Variants in RBFOX2 observed in about 807,000 individuals in gnomAD.
RBFOX2 encodes the protein RNA binding protein fox-1 homolog 2.
RBFOX2 carries 10 observed loss-of-function variants against 49.1 expected under a neutral mutation model. That is an observed-to-expected ratio of 0.20 (90% CI 0.13 to 0.35). The LOEUF (loss-of-function observed/expected upper bound fraction) is 0.35, where lower values mean the gene tolerates loss of function less well. Ranked by LOEUF, RBFOX2 falls within the 10% of genes least tolerant of loss-of-function variation. The pLI is 1.00. For missense variants in RBFOX2, 323 were observed against 486.9 expected, an observed-to-expected ratio of 0.66 and a Z score of 3.17; for synonymous variants, 183 against 187.4, an observed-to-expected ratio of 0.98 and a Z score of 0.19.
intron 1 of RBFOX2, among the ~76,000 whole-genome samples, chr22:35,882,509 T>C (rs1270761304): frequency 2.0e-5 from 3 of 152,100 alleles, no homozygotes; most frequent in African/African-American, 7.2e-5. Context: ...CAAAGTGAGG[T>C]CAAGAGTATT....
chr22:35,830,235 CTA>C (rs1366682804), intron 1 of RBFOX2, among the ~76,000 whole-genome samples: 1 of 152,150 alleles, frequency 6.6e-6, no homozygotes, highest in Non-Finnish European at 1.5e-5. Flanking sequence ...CTGAAAGAAA[CTA>C]TAGTCTGATG....
At chr22:35,860,506 G>A (rs2042983883) in intron 1 of RBFOX2, among the ~76,000 whole-genome samples, 1 of 152,228 alleles carries the variant, frequency 6.6e-6, no homozygotes, top group African/African-American at 2.4e-5. Flanking sequence ...TTGTGGGAAA[G>A]TTTGTTACAC....
chr22:35,775,208 T>A (rs1462384590), intron 4 of RBFOX2, among the ~76,000 whole-genome samples: 3 of 152,136 alleles, frequency 2.0e-5, no homozygotes, highest in Non-Finnish European at 4.4e-5. Flanking sequence ...CCAAAATAAA[T>A]CTCTATTAGG....
intron 1 of RBFOX2, among the ~76,000 whole-genome samples, chr22:35,909,620 T>C (rs1324511531): frequency 1.3e-5 from 2 of 152,200 alleles, no homozygotes; most frequent in Non-Finnish European, 2.9e-5. Flanking sequence ...CTCCGAGCAA[T>C]GTCTTCGAGA....
At chr22:36,003,050 C>A (rs2058491432) in intron 1 of RBFOX2, among the ~76,000 whole-genome samples, 1 of 152,212 alleles carries the variant, frequency 6.6e-6, no homozygotes, top group Admixed American at 6.5e-5. Context: ...ATCCCCTATA[C>A]AATGAAGATC....
intron 1 of RBFOX2, among the ~76,000 whole-genome samples, chr22:35,982,461 C>A (rs956890442): frequency 1.3e-5 from 2 of 152,066 alleles, no homozygotes; most frequent in Non-Finnish European, 2.9e-5. Flanking sequence ...ACACTGGGAG[C>A]CCCTGAGGTC....
chr22:35,826,866 G>A (rs952418506), intron 1 of RBFOX2, among the ~76,000 whole-genome samples: 1 of 152,148 alleles, frequency 6.6e-6, no homozygotes, highest in African/African-American at 2.4e-5. Context: ...TAAAAGTTAC[G>A]TGAATGTGGC....
intron 1 of RBFOX2, among the ~76,000 whole-genome samples, chr22:35,968,077 T>A (rs2149994560): frequency 6.6e-6 from 1 of 152,324 alleles, no homozygotes; most frequent in South Asian, 2.1e-4. Context: ...CCACAATTTC[T>A]TATCCCTTTC....
chr22:35,840,864 T>G (rs531643804), upstream of RBFOX2, among the ~76,000 whole-genome samples: 1 of 152,320 alleles, frequency 6.6e-6, no homozygotes, highest in African/African-American at 2.4e-5. Flanking sequence ...GATGTACAGT[T>G]TATAGATGCA....
intron 1 of RBFOX2, among the ~76,000 whole-genome samples, chr22:35,875,263 G>A (rs563137689): frequency 6.6e-6 from 1 of 152,220 alleles, no homozygotes; most frequent in East Asian, 1.9e-4. Flanking sequence ...AAAAGTAAAG[G>A]AAAGAGGGAG....
upstream of RBFOX2, among the ~76,000 whole-genome samples, chr22:35,965,856 G>A (rs1045043421): frequency 6.6e-6 from 1 of 152,094 alleles, no homozygotes. Flanking sequence ...ATCACAGAAC[G>A]CAAGTAGAAG....
chr22:35,863,208 A>T (rs1053581250), intron 1 of RBFOX2, among the ~76,000 whole-genome samples: 1 of 152,074 alleles, frequency 6.6e-6, no homozygotes, highest in Non-Finnish European at 1.5e-5. Flanking sequence ...TATTTTTGCA[A>T]ATATTTGTTA....
exon 1 of RBFOX2, chr22:35,840,369 C>G (rs1483129538): frequency 1.3e-6 from 2 of 1,537,986 alleles, no homozygotes; most frequent in Non-Finnish European, 1.7e-6. Context: ...CTTTTTCTTT[C>G]TAATGTTTCT....
At chr22:35,968,495 G>A (rs539771992) in intron 1 of RBFOX2, among the ~76,000 whole-genome samples, 2 of 31,600 alleles carry the variant, frequency 6.3e-5, no homozygotes, top group African/African-American at 3.1e-4. Context: ...GCAAGACTCT[G>A]TCAGTAAGCT....
intron 1 of RBFOX2, among the ~76,000 whole-genome samples, chr22:35,816,457 T>G (rs997548946): frequency 1.3e-5 from 2 of 152,154 alleles, no homozygotes; most frequent in Non-Finnish European, 1.5e-5. Context: ...TGAATACATT[T>G]CTGGTAAGTT....
chr22:35,876,846 T>C (rs368551005), intron 1 of RBFOX2, among the ~76,000 whole-genome samples: 1 of 152,036 alleles, frequency 6.6e-6, no homozygotes, highest in Admixed American at 6.6e-5. Flanking sequence ...TGAACTACTA[T>C]CCATCTGAAA....
intron 1 of RBFOX2, among the ~76,000 whole-genome samples, chr22:35,907,167 C>T (rs1393549170): frequency 6.6e-6 from 1 of 152,204 alleles, no homozygotes; most frequent in African/African-American, 2.4e-5. Flanking sequence ...CTCTTCTCTT[C>T]TTCCTTAGTA....
chr22:35,991,520 A>G (rs919724837), intron 1 of RBFOX2, among the ~76,000 whole-genome samples: 4 of 152,226 alleles, frequency 2.6e-5, no homozygotes, highest in Non-Finnish European at 2.9e-5. Context: ...GCCTTTGGAC[A>G]GGAGTCAGCA....
intron 1 of RBFOX2, chr22:35,998,729 A>G (rs988271193): frequency 6.6e-6 from 1 of 152,276 alleles, no homozygotes; most frequent in African/African-American, 2.4e-5. Flanking sequence ...GGAGTGATTC[A>G]ATCTAAAATG....
Sources: allele counts gnomAD v4.1 joint callset (sites outside exome capture counted in the v4.1 genomes callset), GRCh38; gene constraint gnomAD v4.1.1; transcripts MANE v1.5; gene names NCBI Gene and HGNC (gene_info 2026-07-23, HGNC 2026-07-21).